The following ZNF503 variants were observed in gnomAD, a reference collection of about 807,000 sequenced individuals.
The protein encoded by ZNF503 is zinc finger protein 503, also known as NocA-like zinc finger 2.
ZNF503 carries 15 observed loss-of-function variants against 34.4 expected under a neutral mutation model. That is an observed-to-expected ratio of 0.44 (90% CI 0.29 to 0.67). ZNF503 has a LOEUF of 0.67. Ranked by LOEUF, ZNF503 falls within the 30% of genes least tolerant of loss-of-function variation. ZNF503 has a pLI of 0.13. For synonymous variants in ZNF503, 580 were observed against 456.8 expected (o/e 1.27, Z -3.44); for missense variants, 1,007 against 926.8 (o/e 1.09, Z -1.12).
the ZNF503 span, among the ~76,000 whole-genome samples, chr10:75,342,562 C>T: frequency 6.6e-6 from 1 of 151,756 alleles, no homozygotes; most frequent in Non-Finnish European, 1.5e-5. Context: ...CAGGTGATGG[C>T]CCAGTGACCA....
the ZNF503 span, among the ~76,000 whole-genome samples, chr10:75,374,744 G>A: frequency 0.69 from 105,057 of 152,206 alleles, 37,286 homozygotes; most frequent in African/African-American, 0.86. Flanking sequence ...AGCATCTGGC[G>A]TGAAATACAT....
At chr10:75,307,612 C>T in the ZNF503 span, among the ~76,000 whole-genome samples, 1 of 152,212 alleles carries the variant, frequency 6.6e-6, no homozygotes, top group East Asian at 1.9e-4. Flanking sequence ...ATGAAACAGC[C>T]TTCTAATGGA....
rs775462625 is a variant in ZNF503 at position 75,399,568 on chromosome 10, G to A, written c.1122C>T (p.Phe374=). The stretch of plus-strand genomic sequence containing the variant: ...GGTCAAGTGCCACGCCGTGTGGCAG[G>A]AACTGGGGCGGGTAGCCGGCGTAGG... ...AGAYAGYPPQ[F]LPHGVALDPT... Residue 374 remains phenylalanine, a synonymous_variant, in exon 2 of 2, where the codon TTC becomes TTT. Coordinates refer to ENST00000372524, the MANE Select transcript of ZNF503 (RefSeq NM_032772.6). The A allele has an allele frequency of 5.6e-6, 9 of 1,596,360 alleles. No individual in the cohort carries two copies. Among genetic ancestry groups the A allele is most frequent in the Non-Finnish European group, 6.8e-6 (8 of 1,179,072 alleles).
chr10:75,289,174 T>C, the ZNF503 span, among the ~76,000 whole-genome samples: 1 of 152,080 alleles, frequency 6.6e-6, no homozygotes, highest in Non-Finnish European at 1.5e-5. Context: ...GCAAAGACTG[T>C]TTATGTTAGG....
chr10:75,351,445 T>A, the ZNF503 span, among the ~76,000 whole-genome samples: 1 of 152,128 alleles, frequency 6.6e-6, no homozygotes, highest in East Asian at 1.9e-4. Context: ...GTGCTGGGAT[T>A]ACCGGTGTGA....
At chr10:75,346,807 A>T in the ZNF503 span, among the ~76,000 whole-genome samples, 1 of 141,056 alleles carries the variant, frequency 7.1e-6, no homozygotes, top group Non-Finnish European at 1.6e-5. Flanking sequence ...ATTAAAAAGA[A>T]TTTTTTTTTT....
the ZNF503 span, among the ~76,000 whole-genome samples, chr10:75,379,020 C>T: frequency 6.6e-6 from 1 of 152,126 alleles, no homozygotes; most frequent in Non-Finnish European, 1.5e-5. Flanking sequence ...CTTAATTACC[C>T]CTAACAGTGC....
downstream of ZNF503, among the ~76,000 whole-genome samples, chr10:75,393,803 G>A (rs1843669315): frequency 6.6e-6 from 1 of 152,004 alleles, no homozygotes; most frequent in Non-Finnish European, 1.5e-5. Flanking sequence ...AGGTTGCAAT[G>A]AGCTGAGATC....
chr10:75,387,950 G>C, the ZNF503 span, among the ~76,000 whole-genome samples: 2 of 152,204 alleles, frequency 1.3e-5, no homozygotes, highest in African/African-American at 2.4e-5. Flanking sequence ...GTTTCCTCTG[G>C]TGTAAAGGAT....
chr10:75,327,729 G>A, the ZNF503 span, among the ~76,000 whole-genome samples: 2 of 152,056 alleles, frequency 1.3e-5, no homozygotes, highest in African/African-American at 4.8e-5. Flanking sequence ...GTGTGTAATA[G>A]TTCCTTTTCT....
the ZNF503 span, among the ~76,000 whole-genome samples, chr10:75,331,010 G>A: frequency 6.6e-6 from 1 of 151,954 alleles, no homozygotes; most frequent in Non-Finnish European, 1.5e-5. Flanking sequence ...CACTGCTTTT[G>A]CTGTATCCTA....
At chr10:75,400,530 C>T (rs1423183901) in intron 1 of ZNF503, among the ~76,000 whole-genome samples, 156 bp from the exon 2 acceptor site, 2 of 152,234 alleles carry the variant, frequency 1.3e-5, no homozygotes, top group African/African-American at 4.8e-5. Context: ...CCCTCTTCAA[C>T]ACCCACTCAC....
chr10:75,353,814 C>T, the ZNF503 span, among the ~76,000 whole-genome samples: 2 of 152,310 alleles, frequency 1.3e-5, no homozygotes, highest in African/African-American at 2.4e-5. Context: ...GCTCTCCTCT[C>T]ACCCCAAGAT....
At chr10:75,378,423 C>A in the ZNF503 span, among the ~76,000 whole-genome samples, 1 of 152,144 alleles carries the variant, frequency 6.6e-6, no homozygotes, top group Non-Finnish European at 1.5e-5. Context: ...CATCTCTGGT[C>A]ACTGCCTCAG....
the ZNF503 span, among the ~76,000 whole-genome samples, chr10:75,289,421 G>T: frequency 1.3e-5 from 2 of 152,172 alleles, no homozygotes; most frequent in African/African-American, 4.8e-5. Context: ...CAGTTTCTGT[G>T]GTCAGGAATT....
the ZNF503 span, among the ~76,000 whole-genome samples, chr10:75,385,707 C>G: frequency 4.6e-5 from 7 of 152,266 alleles, no homozygotes; most frequent in African/African-American, 9.6e-5. Flanking sequence ...CAACCACAGT[C>G]GAGGAAGGAG....
chr10:75,329,438 T>TCCTTCCTTCCTTC, the ZNF503 span, among the ~76,000 whole-genome samples: 10 of 89,598 alleles, frequency 1.1e-4, no homozygotes, highest in African/African-American at 3.3e-4. Context: ...TTCCTTCCTT[T>TCCTTCCTTCCTTC]CTTTCTTTCT....
At chr10:75,352,663 C>A in the ZNF503 span, among the ~76,000 whole-genome samples, 8 of 152,372 alleles carry the variant, frequency 5.3e-5, 1 homozygote, top group Middle Eastern at 6.8e-3. Flanking sequence ...CAGCTTGTTG[C>A]TGGCCATCTT....
chr10:75,401,323 T>C lies in ZNF503; in HGVS notation c.97A>G (p.Thr33Ala), dbSNP rs1589134738. 1 of 1,520,340 alleles carries C rather than the reference T, an allele frequency of 6.6e-7. No individual in the cohort carries two copies. Among genetic ancestry groups the C allele is most frequent in the South Asian group, 1.2e-5 (1 of 84,300 alleles). 94.2% of individuals were successfully genotyped at this position (1,520,340 alleles called of 1,614,324 possible). A position where few individuals can be genotyped will look rare whatever the true frequency, so the allele number is the denominator to read the frequency against. ...GGGGGADPAW[T>A]SALSGNSSGP... ...GAGCTATTTCCAGAGAGCGCGCTGG[T>C]CCAGGCAGGGTCTGCACCGCCGCCT... Residue 33 changes from threonine (T) to alanine (A), a missense_variant, in exon 1 of 2, where the codon ACC (threonine) becomes GCC (alanine). Coordinates refer to ENST00000372524, the MANE Select transcript of ZNF503 (RefSeq NM_032772.6).
Sources: gnomAD v4.1 joint callset for allele counts (sites outside exome capture counted in the v4.1 genomes callset) on GRCh38, gnomAD v4.1.1 for gene constraint, MANE v1.5 for transcripts, NCBI Gene and HGNC (gene_info 2026-07-23, HGNC 2026-07-21) for gene names.